Variants in CAMTA1 observed in about 807,000 individuals in gnomAD.
The protein encoded by CAMTA1 is calmodulin-binding transcription activator 1.
Under a neutral mutation model 170.9 loss-of-function variants are expected in CAMTA1, and 27 were observed. The ratio of observed to expected loss-of-function variants is 0.16; its 90% CI spans 0.12 to 0.22. CAMTA1 has a LOEUF of 0.22. Among genes scored for constraint, CAMTA1 ranks in the 10% least tolerant of loss-of-function variants. The probability of loss-of-function intolerance (pLI) is 1.00; values close to 1 mark genes in which losing one functional copy is unlikely to be tolerated. For synonymous variants in CAMTA1, 833 were observed against 891.5 expected, an observed-to-expected ratio of 0.93 and a Z score of 1.17; for missense variants, 1,619 against 2,217.2, an observed-to-expected ratio of 0.73 and a Z score of 5.42.
Position 6,802,423 on chromosome 1 carries a change from G to A in CAMTA1, c.45+16848G>A, listed in dbSNP as rs534125323. On this transcript the variant is annotated intron_variant, in intron 1 of 22. Coordinates refer to ENST00000303635, the MANE Select transcript of CAMTA1 (RefSeq NM_015215.4). ...CTCACTCTGGTCGACTATGAAAGAA[G>A]GTTGGTTAGATCCAGCAGCCTGCTG... is the stretch of plus-strand genomic sequence containing the variant. Among the ~76,000 whole-genome samples the A allele has an allele frequency of 3.1e-3, 469 of 152,342 alleles. 8 individuals are homozygous for A. Among genetic ancestry groups the A allele is most frequent in the Middle Eastern group, 6.8e-3 (2 of 294 alleles).
rs1275484826 is a variant in CAMTA1, at chr1:7,361,530, T to G, written c.439-106300T>G. ...CCTCTTCCTTCAGGGACTTCTGAGA[T>G]CCTCCCTGCTAGCTGTGTAGAAGGA... On this transcript the variant is annotated intron_variant, in intron 5 of 22. Transcript: ENST00000303635. Among the ~76,000 whole-genome samples the G allele has an allele frequency of 2.0e-5, 3 of 152,306 alleles. No homozygotes were observed. The South Asian group carries it at 6.2e-4, about 32-fold the overall frequency.
chr1:7,032,304 A>AT (rs1437986509), intron 3 of CAMTA1, among the ~76,000 whole-genome samples: 2 of 151,986 alleles, frequency 1.3e-5, no homozygotes, highest in African/African-American at 4.8e-5. Flanking sequence ...TTAACTGAAC[A>AT]TTTTTTTATC....
chr1:7,187,310 A>G (rs1049058855), intron 4 of CAMTA1, among the ~76,000 whole-genome samples: 1 of 152,110 alleles, frequency 6.6e-6, no homozygotes, highest in Non-Finnish European at 1.5e-5. Flanking sequence ...GTGTCTGCAT[A>G]CTCACTGGGA....
At position 7,661,718 on chromosome 1, in the gene CAMTA1, C is replaced by T. The variant is rs911490526; in HGVS notation, c.665-8C>T. 6 of 1,613,868 alleles carry T rather than the reference C, an allele frequency of 3.7e-6. No individual in the cohort carries two copies. Among genetic ancestry groups the T allele is most frequent in the East Asian group, 2.2e-5 (1 of 44,882 alleles). The stretch of plus-strand genomic sequence containing the variant: ...GCTCTGACAGCCCCCCTGCCTCTCT[C>T]TTCACAGTCCATGGCATCAAGTGGA... On this transcript the variant is annotated splice_polypyrimidine_tract_variant and splice_region_variant and intron_variant, in intron 7 of 22. Coordinates refer to ENST00000303635, the MANE Select transcript of CAMTA1 (RefSeq NM_015215.4).
Position 7,424,114 on chromosome 1 carries a change from G to A in CAMTA1, c.439-43716G>A, listed in dbSNP as rs562431450. The stretch of plus-strand genomic sequence containing the variant: ...GCCTTCCTCTCACCACCGTCCCCAC[G>A]TGGGCTCTGTGCTTGTGGCTGTCTT... On this transcript the variant is annotated intron_variant, in intron 5 of 22. Transcript: ENST00000303635. 2.4e-4 allele frequency among the ~76,000 whole-genome samples: 36 copies of A among 152,218 alleles called. No homozygotes were observed. In the East Asian group the frequency reaches 6.2e-3, roughly 26 times the overall value.
At chr1:7,040,524 A>G (rs967196500) in intron 3 of CAMTA1, among the ~76,000 whole-genome samples, 1 of 152,174 alleles carries the variant, frequency 6.6e-6, no homozygotes, top group Non-Finnish European at 1.5e-5. Context: ...CACAGTTCAC[A>G]GCACCTGAAG....
rs1382219089 is a variant in CAMTA1 at position 7,736,880 on chromosome 1, C to A, written c.3264-51C>A. 1.4e-6 allele frequency: 2 copies of A among 1,400,446 alleles called. No individual in the cohort carries two copies. The highest frequency in any genetic ancestry group is 2.0e-6 in the Non-Finnish European group (2 of 996,334). The allele number at this position is 1,400,446 out of a possible 1,614,324, so 86.8% of individuals were successfully genotyped here. ...GGGGTTTTATAATATTCTGGTGTTT[C>A]CTTTTAACGGTGGTGAATAGTGTGG... On this transcript the variant is annotated intron_variant, in intron 13 of 22. Coordinates refer to ENST00000303635, the MANE Select transcript of CAMTA1 (RefSeq NM_015215.4). The surrounding 1 kb of genome is among the most constrained non-coding windows in gnomAD (Gnocchi z 4.5).
At chr1:7,765,359 G>A (rs1355050460) in intron 22 of CAMTA1, among the ~76,000 whole-genome samples, 1 of 152,146 alleles carries the variant, frequency 6.6e-6, no homozygotes, top group Admixed American at 6.5e-5. Flanking sequence ...AAAAAACTGA[G>A]ACTGATTTTT....
intron 3 of CAMTA1, among the ~76,000 whole-genome samples, chr1:6,974,405 T>C (rs1472501545): frequency 6.6e-6 from 1 of 152,246 alleles, no homozygotes; most frequent in Non-Finnish European, 1.5e-5. Context: ...GGAGATTTAA[T>C]GTAAAATAAA....
At chr1:7,367,083 A>G (rs12095637) in intron 5 of CAMTA1, among the ~76,000 whole-genome samples, 3,368 of 152,272 alleles carry the variant, frequency 0.022, 124 homozygotes, top group African/African-American at 0.076. Flanking sequence ...TTTGGAGATC[A>G]TCAACAAATT....
chr1:7,320,641 CTG>C (rs1553132641), intron 5 of CAMTA1, among the ~76,000 whole-genome samples: 5 of 135,702 alleles, frequency 3.7e-5, no homozygotes, highest in Non-Finnish European at 7.8e-5. Flanking sequence ...CTGGGCTGTG[CTG>C]TGTGTGTTTT....
chr1:7,477,568 A>G (rs1394089305), intron 6 of CAMTA1, among the ~76,000 whole-genome samples: 1 of 152,170 alleles, frequency 6.6e-6, no homozygotes, highest in Non-Finnish European at 1.5e-5. Flanking sequence ...CCACTGCTGT[A>G]CCCACCTAAA....
At chr1:7,107,531 G>C (rs1372280861) in intron 4 of CAMTA1, among the ~76,000 whole-genome samples, 1 of 152,126 alleles carries the variant, frequency 6.6e-6, no homozygotes, top group Admixed American at 6.5e-5. Context: ...TGGTGGCGTT[G>C]ACATAAATGA....
chr1:7,469,805 G>A (rs1373090902), intron 6 of CAMTA1, among the ~76,000 whole-genome samples: 2 of 152,210 alleles, frequency 1.3e-5, no homozygotes, highest in Non-Finnish European at 2.9e-5. Context: ...CGAGGTCTGA[G>A]CTGATGACTT....
chr1:7,342,973 G>T (rs992007763), intron 5 of CAMTA1, among the ~76,000 whole-genome samples: 2 of 152,190 alleles, frequency 1.3e-5, no homozygotes, highest in African/African-American at 4.8e-5. Context: ...TCTGCAATCA[G>T]TGGGCACCAG....
At chr1:6,873,064 C>G (rs1034955077) in intron 3 of CAMTA1, among the ~76,000 whole-genome samples, 1 of 152,172 alleles carries the variant, frequency 6.6e-6, no homozygotes, top group African/African-American at 2.4e-5. Context: ...CTTGTTCTTG[C>G]CTAGTATACT....
intron 1 of CAMTA1, among the ~76,000 whole-genome samples, chr1:6,816,161 G>C (rs1645782333): frequency 6.6e-6 from 1 of 152,168 alleles, no homozygotes; most frequent in South Asian, 2.1e-4. Flanking sequence ...TGGAATCCAG[G>C]TTTCTTCATG....
rs570939384 is a variant in CAMTA1, at chr1:6,887,925, G to A, written c.234+62715G>A. The A allele has an allele frequency of 8.2e-6, 11 of 1,334,106 alleles. No homozygotes were observed. Among genetic ancestry groups the A allele is most frequent in the African/African-American group, 4.5e-5 (3 of 67,308 alleles). The allele number at this position is 1,334,106 out of a possible 1,614,324, so 82.6% of individuals were successfully genotyped here. A position where few individuals can be genotyped will look rare whatever the true frequency, so the allele number is the denominator to read the frequency against. On this transcript the variant is annotated intron_variant, in intron 3 of 22. Coordinates refer to ENST00000303635, the MANE Select transcript of CAMTA1 (RefSeq NM_015215.4). The surrounding 1 kb of genome is among the most constrained non-coding windows in gnomAD (Gnocchi z 4.1). ...TCCGGAGTTATTACGAAGGAGCTCC[G>A]CAGCCTGACTGAGCTCTGGAGAGCA...
intron 4 of CAMTA1, among the ~76,000 whole-genome samples, chr1:7,122,908 C>T (rs1332202272): frequency 6.6e-6 from 1 of 152,228 alleles, no homozygotes; most frequent in Non-Finnish European, 1.5e-5. Flanking sequence ...TACCCATCCC[C>T]AGCCATTCTC....
Sources: gnomAD v4.1 joint callset for allele counts (sites outside exome capture counted in the v4.1 genomes callset) on GRCh38, gnomAD v4.1.1 for gene constraint, Gnocchi (gnomAD v3.1) non-coding constraint, MANE v1.5 for transcripts, NCBI Gene and HGNC (gene_info 2026-07-23, HGNC 2026-07-21) for gene names.